Variants in C1orf146 observed in about 807,000 individuals in gnomAD.
The protein encoded by C1orf146 is protein SPO16 homolog.
In C1orf146, 22 loss-of-function variants were observed where a neutral mutation model predicts 23.0. The observed-to-expected ratio is 0.96, with a 90% CI of 0.68 to 1.36. The LOEUF (loss-of-function observed/expected upper bound fraction) is 1.36. Among genes scored for constraint, C1orf146 ranks in the 40% most tolerant of loss-of-function variants. The probability of loss-of-function intolerance (pLI) is 0.00; values close to 1 mark genes in which losing one functional copy is unlikely to be tolerated. For missense variants in C1orf146, 199 were observed against 206.8 expected (o/e 0.96, Z 0.23); for synonymous variants, 59 against 65.3 (o/e 0.90, Z 0.47).
chr1:92,243,985 CAA>C (rs1652499326), intron 3 of C1orf146, among the ~76,000 whole-genome samples: 1 of 151,012 alleles, frequency 6.6e-6, no homozygotes, highest in Middle Eastern at 3.2e-3. Context: ...GTTACTGATC[CAA>C]AAAAGTTTTT....
chr1:92,224,467 C>G (rs1461502664), intron 1 of C1orf146, among the ~76,000 whole-genome samples: 1 of 152,172 alleles, frequency 6.6e-6, no homozygotes, highest in Non-Finnish European at 1.5e-5. Flanking sequence ...TTATTATGTC[C>G]TATTTTCCTC....
At chr1:92,228,084 T>G (rs892131905) in intron 1 of C1orf146, among the ~76,000 whole-genome samples, 1 of 152,224 alleles carries the variant, frequency 6.6e-6, no homozygotes, top group Non-Finnish European at 1.5e-5. Context: ...CTCTGTGTTC[T>G]TTATCCTTTT....
At chr1:92,236,239 G>T (rs1652272523) in intron 2 of C1orf146, among the ~76,000 whole-genome samples, 1 of 151,974 alleles carries the variant, frequency 6.6e-6, no homozygotes, top group Non-Finnish European at 1.5e-5. Context: ...TTTTGCAGCG[G>T]CTGGTACCGG....
chr1:92,243,567 G>A (rs753143950), intron 3 of C1orf146, among the ~76,000 whole-genome samples: 5 of 152,036 alleles, frequency 3.3e-5, no homozygotes, highest in South Asian at 2.1e-4. Context: ...GGCTGGTCTC[G>A]AACTCCTGAC....
At chr1:92,224,074 G>A (rs569013074) in intron 1 of C1orf146, among the ~76,000 whole-genome samples, 1 of 142,640 alleles carries the variant, frequency 7.0e-6, no homozygotes, top group African/African-American at 2.6e-5. Context: ...ATTTTGAGAC[G>A]GAGTCTTGCT....
At chr1:92,241,451 CT>C (rs1359642416) in intron 2 of C1orf146, among the ~76,000 whole-genome samples, 1 of 151,932 alleles carries the variant, frequency 6.6e-6, no homozygotes, top group Admixed American at 6.6e-5. Flanking sequence ...ATCCACCAGC[CT>C]TGGCCTCCAA....
intron 2 of C1orf146, among the ~76,000 whole-genome samples, chr1:92,236,787 T>C (rs1652288403): frequency 6.6e-6 from 1 of 152,216 alleles, no homozygotes; most frequent in South Asian, 2.1e-4. Context: ...GTCCCATATT[T>C]CTTGCTGGAT....
chr1:92,236,804 G>A (rs996907788), intron 2 of C1orf146, among the ~76,000 whole-genome samples: 3 of 152,058 alleles, frequency 2.0e-5, no homozygotes, highest in Admixed American at 6.6e-5. Flanking sequence ...GGATTTGTTC[G>A]TTTCTTTTTA....
At chr1:92,235,034 A>G (rs1247858319) in intron 2 of C1orf146, among the ~76,000 whole-genome samples, 1 of 151,726 alleles carries the variant, frequency 6.6e-6, no homozygotes, top group Non-Finnish European at 1.5e-5. Context: ...CGGTCTATCA[A>G]TTTTGTTGAT....
At chr1:92,231,355 C>A in intron 1 of C1orf146, 27 bp from the exon 2 acceptor site, 1 of 1,070,286 alleles carries the variant, frequency 9.3e-7, no homozygotes, top group Non-Finnish European at 1.4e-6. Context: ...TATTTCTTTG[C>A]ATTCTTTGTG....
rs774438354 is a variant in C1orf146 at position 92,244,813 on chromosome 1, C to A, written c.364C>A (p.His122Asn). The change falls in exon 5 of 6, where the codon CAC becomes AAC. Residue 122 changes from histidine (H) to asparagine (N), a missense_variant. Coordinates refer to ENST00000370375, the MANE Select transcript of C1orf146 (RefSeq NM_001012425.2). Reference sequence around the variant, plus strand: ...TTGTAACTTACGAATACTTCCAGTACACAACACAGTAAATGCTATTAATCT... The same window carrying A: ...TTGTAACTTACGAATACTTCCAGTAAACAACACAGTAAATGCTATTAATCT... ...LGCNLRILPV[H>N]NTVNAINLMC... 2 of 1,609,022 alleles carry A rather than the reference C, an allele frequency of 1.2e-6. No individual in the cohort carries two copies. Among genetic ancestry groups the A allele is most frequent in the Non-Finnish European group, 1.7e-6 (2 of 1,176,068 alleles).
chr1:92,234,263 T>C (rs893387440), intron 2 of C1orf146, among the ~76,000 whole-genome samples: 1 of 152,208 alleles, frequency 6.6e-6, no homozygotes, highest in African/African-American at 2.4e-5. Context: ...TAGATAGCTG[T>C]TATTATTTTG....
At chr1:92,222,494 C>G (rs1341083094) in intron 1 of C1orf146, among the ~76,000 whole-genome samples, 1 of 150,084 alleles carries the variant, frequency 6.7e-6, no homozygotes, top group African/African-American at 2.5e-5. Flanking sequence ...TTCCTCCTTC[C>G]CTTCTGTAAT....
Position 92,225,896 on chromosome 1 carries a change from A to C in C1orf146, c.-39-5486A>C, listed in dbSNP as rs560081657. On this transcript the variant is annotated intron_variant, in intron 1 of 5. Transcript: ENST00000370375. ...TTTTCCATTCTTTTACTTTCAACCTATTTGTATCCTTGAATCTAAAGACAA... is the reference window on the plus strand; with the variant it reads ...TTTTCCATTCTTTTACTTTCAACCTCTTTGTATCCTTGAATCTAAAGACAA... Among the ~76,000 whole-genome samples, 5 of 152,178 alleles carry C rather than the reference A, an allele frequency of 3.3e-5. No homozygotes were observed. The East Asian group carries it at 9.6e-4, about 29-fold the overall frequency.
chr1:92,218,593 C>T (rs1436777724), intron 1 of C1orf146, among the ~76,000 whole-genome samples: 1 of 151,972 alleles, frequency 6.6e-6, no homozygotes, highest in Non-Finnish European at 1.5e-5. Context: ...TTCAGGAGTC[C>T]GTGTGCAGGT....
At chr1:92,229,858 A>G (rs1287805453) in intron 1 of C1orf146, among the ~76,000 whole-genome samples, 1 of 152,198 alleles carries the variant, frequency 6.6e-6, no homozygotes, top group African/African-American at 2.4e-5. Context: ...GAAAATGGGC[A>G]AAAGACATGT....
intron 2 of C1orf146, among the ~76,000 whole-genome samples, chr1:92,241,667 T>TA (rs1355197486): frequency 6.6e-6 from 1 of 152,154 alleles, no homozygotes; most frequent in Non-Finnish European, 1.5e-5. Flanking sequence ...TTTGGGCTTT[T>TA]ACCATGTTGG....
At chr1:92,244,484 C>T (rs1652519257) in intron 4 of C1orf146, 99 bp downstream of exon 4, 1 of 891,842 alleles carries the variant, frequency 1.1e-6, no homozygotes, top group Non-Finnish European at 1.7e-6. Flanking sequence ...ATGATGAACA[C>T]TGTGATGTTA....
rs76887018 is a variant in C1orf146 at position 92,236,938 on chromosome 1, G to A, written c.67-5274G>A. 8.4e-3 allele frequency among the ~76,000 whole-genome samples: 1,274 copies of A among 152,086 alleles called. 17 individuals are homozygous for A. The highest frequency in any genetic ancestry group is 0.029 in the African/African-American group (1,214 of 41,470). On this transcript the variant is annotated intron_variant, in intron 2 of 5. Transcript: ENST00000370375. Reference sequence around the variant, plus strand: ...CTTCTGCATTCTTCACGTACTTCTCGTGCCTTGGCTTTCAGCTCCATCAGC... The same window carrying A: ...CTTCTGCATTCTTCACGTACTTCTCATGCCTTGGCTTTCAGCTCCATCAGC...
Sources: gnomAD v4.1 joint callset for allele counts (sites outside exome capture counted in the v4.1 genomes callset) on GRCh38, gnomAD v4.1.1 for gene constraint, MANE v1.5 for transcripts, NCBI Gene and HGNC (gene_info 2026-07-23, HGNC 2026-07-21) for gene names.